Variants in SLC9B1 observed in about 807,000 individuals in gnomAD.
SLC9B1 encodes sodium/hydrogen exchanger 9B1.
In SLC9B1, 32 loss-of-function variants were observed where a neutral mutation model predicts 51.7. The observed-to-expected ratio is 0.62, with a 90% CI of 0.47 to 0.83. The LOEUF (loss-of-function observed/expected upper bound fraction) is 0.83, where lower values mean the gene tolerates loss of function less well. SLC9B1 is among the 40% of genes least tolerant of loss of function. The pLI is 0.00. For missense variants in SLC9B1, 406 were observed against 613.2 expected, an observed-to-expected ratio of 0.66 and a Z score of 3.57; for synonymous variants, 145 against 212.7, an observed-to-expected ratio of 0.68 and a Z score of 2.77.
chr4:102,886,833 T>G (rs1234851996), intron 11 of SLC9B1, among the ~76,000 whole-genome samples: 1 of 152,168 alleles, frequency 6.6e-6, no homozygotes, highest in Non-Finnish European at 1.5e-5. Flanking sequence ...CAGACTAGTC[T>G]TGAACTCCTG....
chr4:103,015,092 A>G (rs748813587), intron 1 of SLC9B1, among the ~76,000 whole-genome samples: 1 of 152,172 alleles, frequency 6.6e-6, no homozygotes, highest in Non-Finnish European at 1.5e-5. Flanking sequence ...AGATTTTCAA[A>G]GTTCATTCTT....
chr4:102,943,485 A>G (rs1454030425), intron 6 of SLC9B1, among the ~76,000 whole-genome samples: 2 of 134,864 alleles, frequency 1.5e-5, no homozygotes, highest in Admixed American at 7.5e-5. Flanking sequence ...ATACGTATCT[A>G]TGTGTATATA....
At chr4:103,001,862 T>C (rs1740540453) in intron 1 of SLC9B1, among the ~76,000 whole-genome samples, 1 of 152,254 alleles carries the variant, frequency 6.6e-6, no homozygotes, top group East Asian at 1.9e-4. Context: ...CTGCCCAACA[T>C]TAGGTAATTT....
chr4:102,949,958 C>A (rs965796733), intron 3 of SLC9B1, among the ~76,000 whole-genome samples: 1 of 150,986 alleles, frequency 6.6e-6, no homozygotes, highest in African/African-American at 2.4e-5. Context: ...GAGACTCAGT[C>A]TCAATAAAAA....
intron 7 of SLC9B1, among the ~76,000 whole-genome samples, chr4:102,924,797 T>A (rs369858823): frequency 6.6e-6 from 1 of 152,066 alleles, no homozygotes; most frequent in African/African-American, 2.4e-5. Context: ...AACAGACACA[T>A]GAAAAAATGC....
intron 6 of SLC9B1, among the ~76,000 whole-genome samples, chr4:102,942,208 G>T (rs989450683): frequency 6.6e-6 from 1 of 152,094 alleles, no homozygotes; most frequent in Non-Finnish European, 1.5e-5. Flanking sequence ...AATCATAGAT[G>T]ACACAAACAA....
intron 11 of SLC9B1, among the ~76,000 whole-genome samples, chr4:102,904,234 A>G (rs1158460955): frequency 6.6e-6 from 1 of 151,576 alleles, no homozygotes; most frequent in East Asian, 2.0e-4. Context: ...ATTTTTTTGT[A>G]TTTTTTGTAG....
chr4:102,887,161 G>A (rs1386671231), intron 11 of SLC9B1, among the ~76,000 whole-genome samples: 1 of 152,100 alleles, frequency 6.6e-6, no homozygotes, highest in Non-Finnish European at 1.5e-5. Context: ...TGAAGTAACT[G>A]TTTAAATTGT....
chr4:103,006,123 A>T (rs1740773067), intron 1 of SLC9B1, among the ~76,000 whole-genome samples: 1 of 152,130 alleles, frequency 6.6e-6, no homozygotes, highest in Non-Finnish European at 1.5e-5. Flanking sequence ...AAATTGGGAC[A>T]TGACAAGCAA....
At chr4:102,896,154 G>T (rs1400110189), downstream of SLC9B1, among the ~76,000 whole-genome samples, 1 of 152,096 alleles carries the variant, frequency 6.6e-6, no homozygotes, top group Non-Finnish European at 1.5e-5. Context: ...TCCATGCCAT[G>T]CTGCTGAGTG....
chr4:102,913,569 AT>A (rs1735441905), intron 7 of SLC9B1, among the ~76,000 whole-genome samples: 1 of 152,078 alleles, frequency 6.6e-6, no homozygotes, highest in African/African-American at 2.4e-5. Context: ...AAATAAAAAA[AT>A]AAAAAATAAC....
At chr4:102,995,459 ATAT>A (rs1311137285) in intron 1 of SLC9B1, among the ~76,000 whole-genome samples, 1 of 152,192 alleles carries the variant, frequency 6.6e-6, no homozygotes, top group Non-Finnish European at 1.5e-5. Flanking sequence ...ACTAGGCAGC[ATAT>A]TTTAAGATAT....
At chr4:102,930,028 A>T (rs1468418127) in intron 7 of SLC9B1, among the ~76,000 whole-genome samples, 7 of 152,260 alleles carry the variant, frequency 4.6e-5, no homozygotes, top group Non-Finnish European at 8.8e-5. Context: ...TTTAATGCAG[A>T]ATCTTGACAA....
chr4:102,995,501 T>G (rs1212542760), intron 1 of SLC9B1, among the ~76,000 whole-genome samples: 1 of 152,138 alleles, frequency 6.6e-6, no homozygotes, highest in South Asian at 2.1e-4. Flanking sequence ...ATAGCAGGGC[T>G]TGGAACCCAG....
chr4:103,007,033 A>G (rs1439100857), intron 1 of SLC9B1, among the ~76,000 whole-genome samples: 1 of 152,224 alleles, frequency 6.6e-6, no homozygotes, highest in African/African-American at 2.4e-5. Context: ...GAACAGGCAA[A>G]AGCTGGAAGT....
intron 3 of SLC9B1, among the ~76,000 whole-genome samples, chr4:102,969,065 AC>A (rs1738597684): frequency 6.6e-6 from 1 of 152,220 alleles, no homozygotes; most frequent in Non-Finnish European, 1.5e-5. Flanking sequence ...CTGCAGCTCA[AC>A]GAGGCCTGGC....
At chr4:102,908,009 A>G (rs116760135) in intron 9 of SLC9B1, among the ~76,000 whole-genome samples, 282 of 152,234 alleles carry the variant, frequency 1.9e-3, no homozygotes, top group African/African-American at 6.6e-3. Context: ...ACAAAATGTC[A>G]CTATGATTTT....
chr4:102,912,062 G>A, intron 7 of SLC9B1: 1 of 207,674 alleles, frequency 4.8e-6, no homozygotes, highest in South Asian at 5.5e-5. Context: ...GAACCCGGGA[G>A]GCAGAGTTTG....
intron 3 of SLC9B1, among the ~76,000 whole-genome samples, chr4:102,971,015 C>A (rs1453177964): frequency 6.6e-6 from 1 of 151,972 alleles, no homozygotes; most frequent in Non-Finnish European, 1.5e-5. Flanking sequence ...ACAAAGAGAC[C>A]TAGACATCCA....
Sources: allele counts gnomAD v4.1 joint callset (sites outside exome capture counted in the v4.1 genomes callset), GRCh38; gene constraint gnomAD v4.1.1; transcripts MANE v1.5; gene names NCBI Gene and HGNC (gene_info 2026-07-23, HGNC 2026-07-21).